Variants in SLC6A5 observed in about 807,000 individuals in gnomAD.
SLC6A5 encodes the protein solute carrier family 6 member 5, also known as sodium- and chloride-dependent glycine transporter 2.
SLC6A5 carries 58 observed loss-of-function variants against 90.5 expected under a neutral mutation model. The observed-to-expected ratio is 0.64, with a 90% CI of 0.52 to 0.80. The LOEUF (loss-of-function observed/expected upper bound fraction) is 0.80, where lower values mean the gene tolerates loss of function less well. SLC6A5 is among the 30% of genes least tolerant of loss of function. The probability of loss-of-function intolerance (pLI) is 0.00; values close to 1 mark genes in which losing one functional copy is unlikely to be tolerated. For synonymous variants in SLC6A5, 427 were observed against 401.4 expected, an observed-to-expected ratio of 1.06 and a Z score of -0.76; for missense variants, 1,015 against 1,017.6, an observed-to-expected ratio of 1.00 and a Z score of 0.03.
intron 7 of SLC6A5, among the ~76,000 whole-genome samples, chr11:20,619,194 CA>C (rs1400306959): frequency 1.3e-5 from 2 of 152,194 alleles, no homozygotes; most frequent in African/African-American, 2.4e-5. Flanking sequence ...ATGTTACAAT[CA>C]ACCAACTTCT....
chr11:20,651,273 A>C (rs1174391327), intron 14 of SLC6A5, among the ~76,000 whole-genome samples: 1 of 81,996 alleles, frequency 1.2e-5, no homozygotes, highest in South Asian at 4.9e-4. Context: ...CACCCCTCCT[A>C]TGCCCTTCCC....
intron 13 of SLC6A5, among the ~76,000 whole-genome samples, chr11:20,645,035 A>T (rs7112587): frequency 6.6e-6 from 1 of 151,494 alleles, no homozygotes; most frequent in Non-Finnish European, 1.5e-5. Context: ...CTGATCTCGA[A>T]CTCCTGGCCT....
chr11:20,643,641 C>G (rs1853355761), intron 13 of SLC6A5, among the ~76,000 whole-genome samples: 1 of 152,194 alleles, frequency 6.6e-6, no homozygotes, highest in South Asian at 2.1e-4. Flanking sequence ...AACTCCCAGT[C>G]CAGTGCTCTT....
At position 20,617,831 on chromosome 11, in the gene SLC6A5, G is replaced by T; in HGVS notation, c.1207G>T (p.Ala403Ser). 5.0e-6 allele frequency: 8 copies of T among 1,614,062 alleles called. No homozygotes were observed. Among genetic ancestry groups the T allele is most frequent in the Non-Finnish European group, 6.8e-6 (8 of 1,179,946 alleles). ...RWPLALCLFL[A>S]WVIVYASLAK... ...GCCACTAGCTCTCTGCCTCTTCCTG[G>T]CTTGGGTCATTGTGTATGCATCATT... Residue 403 changes from alanine (A) to serine (S), a missense_variant, in exon 7 of 16, where the codon GCT (alanine) becomes TCT (serine). Coordinates refer to ENST00000525748, the MANE Select transcript of SLC6A5 (RefSeq NM_004211.5).
intron 8 of SLC6A5, 61 bp from the exon 9 acceptor site, chr11:20,627,919 C>T (rs540855202): frequency 1.6e-6 from 2 of 1,258,452 alleles, no homozygotes; most frequent in Non-Finnish European, 2.3e-6. Flanking sequence ...GTGTGTGACT[C>T]CTCTCCCCTG....
At chr11:20,614,964 G>T in intron 6 of SLC6A5, 144 bp downstream of exon 6, 1 of 781,884 alleles carries the variant, frequency 1.3e-6, no homozygotes, top group South Asian at 1.4e-5. Flanking sequence ...GCTTCCAAGA[G>T]CAGATTGTTG....
At chr11:20,604,919 C>T (rs1852549188) in intron 3 of SLC6A5, among the ~76,000 whole-genome samples, 1 of 152,178 alleles carries the variant, frequency 6.6e-6, no homozygotes, top group Admixed American at 6.5e-5. Context: ...CTGCCACCCC[C>T]GCCTTCTTCT....
chr11:20,643,114 T>C (rs969251805), intron 13 of SLC6A5, among the ~76,000 whole-genome samples: 11 of 152,264 alleles, frequency 7.2e-5, no homozygotes, highest in Middle Eastern at 3.4e-3. Context: ...CCCTATCATA[T>C]CGGTGTCCCC....
chr11:20,612,551 T>G (rs920470147), intron 5 of SLC6A5, among the ~76,000 whole-genome samples: 2 of 152,194 alleles, frequency 1.3e-5, no homozygotes, highest in African/African-American at 4.8e-5. Context: ...AGGGTCTCAT[T>G]CTGTTGCCCG....
At position 20,607,091 on chromosome 11, in the gene SLC6A5, C is replaced by T. The variant is rs765546050; in HGVS notation, c.764C>T (p.Ala255Val). Residue 255 changes from alanine (A) to valine (V), a missense_variant, in exon 4 of 16, where the codon GCC becomes GTC. Coordinates refer to ENST00000525748, the MANE Select transcript of SLC6A5 (RefSeq NM_004211.5). The stretch of plus-strand genomic sequence containing the variant: ...TTGGAGGTGTCGCTGGGCCAGTTTG[C>T]CAGCCAGGGACCAGTGTCTGTGTGG... ...FFLEVSLGQF[A>V]SQGPVSVWKA... The T allele has an allele frequency of 6.2e-7, 1 of 1,614,092 alleles. No individual in the cohort carries two copies. Among genetic ancestry groups the T allele is most frequent in the Admixed American group, 1.7e-5 (1 of 60,012 alleles).
intron 7 of SLC6A5, among the ~76,000 whole-genome samples, chr11:20,619,546 T>C (rs1241442208): frequency 2.0e-5 from 3 of 152,202 alleles, no homozygotes; most frequent in Non-Finnish European, 4.4e-5. Flanking sequence ...TGGGGACTTC[T>C]CATGGTGTTT....
At chr11:20,607,778 C>T in intron 5 of SLC6A5, 126 bp downstream of exon 5, 1 of 722,098 alleles carries the variant, frequency 1.4e-6, no homozygotes, top group South Asian at 1.6e-5. Context: ...GAGATTACAT[C>T]AAACTATCAA....
chr11:20,635,914 A>G (rs763793556), intron 10 of SLC6A5, among the ~76,000 whole-genome samples: 2 of 152,206 alleles, frequency 1.3e-5, no homozygotes, highest in Non-Finnish European at 2.9e-5. Context: ...TATCCCAAAC[A>G]TGGCAAAATC....
In SLC6A5 at chr11:20,604,420, G is replaced by C. The variant is rs778304622; in HGVS notation, c.675G>C (p.Gly225=). 1.2e-5 allele frequency: 20 copies of C among 1,613,654 alleles called. No individual in the cohort carries two copies. Among genetic ancestry groups the C allele is most frequent in the Non-Finnish European group, 1.6e-5 (19 of 1,179,894 alleles). The stretch of plus-strand genomic sequence containing the variant: ...TTCCCTACCTGGCCTTCCAGAACGG[G>C]GGAGGTATGGCTTTTCCGCTCTTTC... ...WRFPYLAFQN[G]GGAFLIPYLM... The change falls in exon 3 of 16, where the codon GGG becomes GGC. Residue 225 remains glycine, a synonymous_variant. Coordinates refer to ENST00000525748, the MANE Select transcript of SLC6A5 (RefSeq NM_004211.5).
At chr11:20,614,635 T>G (rs780914096) in intron 5 of SLC6A5, 44 bp from the exon 6 acceptor site, 1 of 1,586,002 alleles carries the variant, frequency 6.3e-7, no homozygotes, top group Non-Finnish European at 8.7e-7. Context: ...CTCTGTTTTC[T>G]GTACAGATTT....
intron 13 of SLC6A5, among the ~76,000 whole-genome samples, chr11:20,638,976 T>C (rs1397998331): frequency 6.6e-6 from 1 of 152,150 alleles, no homozygotes; most frequent in Non-Finnish European, 1.5e-5. Flanking sequence ...GGTACTGTAG[T>C]GAGAACAGAG....
chr11:20,647,363 TATAACTATATATTCCTATTATATA>T, intron 14 of SLC6A5, among the ~76,000 whole-genome samples: 1 of 138,714 alleles, frequency 7.2e-6, no homozygotes, highest in South Asian at 2.3e-4. Context: ...TAGTTATATA[TATAACTATATATTCCTATTATATA>T]GTTATATATA....
chr11:20,627,928 T>C, intron 8 of SLC6A5, 52 bp from the exon 9 acceptor site: 2 of 1,396,100 alleles, frequency 1.4e-6, no homozygotes, highest in Non-Finnish European at 2.0e-6. Context: ...TCCTCTCCCC[T>C]GGCGCCAGTC....
chr11:20,645,044 C>T (rs949736305), intron 13 of SLC6A5, among the ~76,000 whole-genome samples: 6 of 151,862 alleles, frequency 4.0e-5, no homozygotes, highest in African/African-American at 1.2e-4. Context: ...AACTCCTGGC[C>T]TCAAGTGATC....
Sources: gnomAD v4.1 joint callset for allele counts (sites outside exome capture counted in the v4.1 genomes callset) on GRCh38, gnomAD v4.1.1 for gene constraint, MANE v1.5 for transcripts, NCBI Gene and HGNC (gene_info 2026-07-23, HGNC 2026-07-21) for gene names.